The following EEF1AKMT2 variants were observed in gnomAD, a reference collection of about 807,000 sequenced individuals.
EEF1AKMT2 encodes the protein EEF1A lysine methyltransferase 2.
In EEF1AKMT2, 32 loss-of-function variants were observed where a neutral mutation model predicts 35.8. The observed-to-expected ratio is 0.89, with a 90% confidence interval of 0.67 to 1.20. The LOEUF is 1.20. Among genes scored for constraint, EEF1AKMT2 ranks in the 50% most tolerant of loss-of-function variants. The pLI is 0.00. For synonymous variants in EEF1AKMT2, 121 were observed against 133.7 expected (o/e 0.91, Z 0.65); for missense variants, 330 against 347.5 (o/e 0.95, Z 0.40).
At chr10:124,770,944 T>C (rs1158161444) in intron 4 of EEF1AKMT2, among the ~76,000 whole-genome samples, 1 of 152,128 alleles carries the variant, frequency 6.6e-6, no homozygotes, top group Non-Finnish European at 1.5e-5. Flanking sequence ...TGCAGTTAAT[T>C]CCTCCATTGA....
chr10:124,775,293 T>C (rs552266981), intron 3 of EEF1AKMT2, among the ~76,000 whole-genome samples: 33 of 152,326 alleles, frequency 2.2e-4, no homozygotes, highest in African/African-American at 7.2e-4. Flanking sequence ...TTTAAAAATA[T>C]TTCATACATC....
intron 3 of EEF1AKMT2, among the ~76,000 whole-genome samples, chr10:124,775,311 A>T (rs747164665): frequency 6.6e-6 from 1 of 152,178 alleles, no homozygotes; most frequent in Non-Finnish European, 1.5e-5. Flanking sequence ...ATCCCATTAG[A>T]TCTTTACAGA....
Position 124,779,280 on chromosome 10 carries a change from C to T in EEF1AKMT2, c.292-4498G>A, listed in dbSNP as rs537263995. Among the ~76,000 whole-genome samples the T allele has an allele frequency of 1.1e-4, 17 of 152,208 alleles. 1 individual carries two copies. The South Asian group carries it at 3.5e-3, about 32-fold the overall frequency. Reference sequence around the variant, plus strand: ...CTGAGTAACTGGAATTACAAGGACACACCACGACACCTGGCTATTTTTCTG... The same window carrying T: ...CTGAGTAACTGGAATTACAAGGACATACCACGACACCTGGCTATTTTTCTG... On this transcript the variant is annotated intron_variant, in intron 3 of 6. Transcript: ENST00000368836.
intron 2 of EEF1AKMT2, 31 bp from the exon 3 acceptor site, chr10:124,789,188 G>T (rs764506186): frequency 1.4e-6 from 2 of 1,472,756 alleles, no homozygotes; most frequent in South Asian, 2.3e-5. Flanking sequence ...AATAACTGAG[G>T]GATACAGAGC....
chr10:124,765,002 T>C (rs1950366244), intron 5 of EEF1AKMT2, among the ~76,000 whole-genome samples: 1 of 152,172 alleles, frequency 6.6e-6, no homozygotes, highest in South Asian at 2.1e-4. Context: ...CCTGGGCTTA[T>C]GCGATCCTCT....
intron 4 of EEF1AKMT2, among the ~76,000 whole-genome samples, chr10:124,772,679 T>C (rs895893407): frequency 6.6e-6 from 1 of 152,110 alleles, no homozygotes; most frequent in African/African-American, 2.4e-5. Context: ...CCTCCCACCT[T>C]GGCCTCCCAA....
At chr10:124,765,048 C>T (rs927729395) in intron 5 of EEF1AKMT2, among the ~76,000 whole-genome samples, 1 of 152,146 alleles carries the variant, frequency 6.6e-6, no homozygotes, top group Non-Finnish European at 1.5e-5. Context: ...ACTACAGGCA[C>T]GCGCCACCAA....
chr10:124,790,778 T>C (rs1303679132), intron 1 of EEF1AKMT2, among the ~76,000 whole-genome samples: 1 of 152,166 alleles, frequency 6.6e-6, no homozygotes, highest in African/African-American at 2.4e-5. Flanking sequence ...CTTTTCTTCT[T>C]TTTTTGAGAC....
At chr10:124,764,480 T>C (rs190725794) in intron 5 of EEF1AKMT2, among the ~76,000 whole-genome samples, 1 of 152,322 alleles carries the variant, frequency 6.6e-6, no homozygotes, top group East Asian at 1.9e-4. Context: ...AAATATTTTG[T>C]GTATAGATTA....
intron 4 of EEF1AKMT2, 129 bp from the exon 5 acceptor site, chr10:124,765,737 C>T (rs998834415): frequency 3.6e-5 from 24 of 675,588 alleles, no homozygotes; most frequent in Middle Eastern, 8.1e-4. Flanking sequence ...ATATAATAAA[C>T]ATATTTTCAA....
rs1245479006 is a variant in EEF1AKMT2 at position 124,765,479 on chromosome 10, G to C, written c.529C>G (p.Leu177Val). The change falls in exon 5 of 7, where the codon CTC (leucine) becomes GTC (valine). Residue 177 changes from leucine (L) to valine (V), a missense_variant. By Grantham distance (32) the Leu-to-Val change is conservative (BLOSUM62 1). Transcript: ENST00000368836. ...IEKRKQYVKS[L>V]SRVLKVKGFF... ...CCTTTTACTTTCAACACCCTGGAGA[G>C]AGATTTCACATATTGCTTCCTCTTC... 1.1e-5 allele frequency: 17 copies of C among 1,613,862 alleles called. No homozygotes were observed. The highest frequency in any genetic ancestry group is 1.4e-5 in the Non-Finnish European group (17 of 1,179,974).
At chr10:124,778,197 T>TACAC (rs34968256) in intron 3 of EEF1AKMT2, among the ~76,000 whole-genome samples, 18 of 150,344 alleles carry the variant, frequency 1.2e-4, no homozygotes, top group African/African-American at 2.7e-4. Flanking sequence ...AGTCTATACA[T>TACAC]ACACACACAC....
chr10:124,791,769 G>A lies in EEF1AKMT2; in HGVS notation c.65C>T (p.Pro22Leu), dbSNP rs779523020. Residue 22 changes from proline to leucine, a missense_variant, in exon 1 of 7, where the codon CCC (proline) becomes CTC (leucine). Transcript: ENST00000368836. ...CGACGGGACGAAACCGTCCTCCCCG[G>A]GACTGCCCTTGTCCGACCGCGCCGC... ...AVAARSDKGS[P>L]GEDGFVPSAL... is the part of the protein sequence containing the mutation. 6.3e-7 allele frequency: 1 copy of A among 1,596,248 alleles called. No homozygotes were observed. Among genetic ancestry groups the A allele is most frequent in the Non-Finnish European group, 8.5e-7 (1 of 1,175,554 alleles).
At chr10:124,761,245 C>T (rs1191130670) in intron 6 of EEF1AKMT2, among the ~76,000 whole-genome samples, 1 of 152,090 alleles carries the variant, frequency 6.6e-6, no homozygotes, top group Non-Finnish European at 1.5e-5. Context: ...TCACACCACA[C>T]ATATTAAAGC....
intron 3 of EEF1AKMT2, among the ~76,000 whole-genome samples, chr10:124,785,757 G>A (rs566885856): frequency 1.3e-5 from 2 of 152,068 alleles, no homozygotes; most frequent in East Asian, 1.9e-4. Flanking sequence ...TTAGCCAGGC[G>A]TGCTGGCGCG....
rs904414903 is a variant in EEF1AKMT2, at chr10:124,762,295, C to T, written c.875+5G>A. ...AAAAATAAATAAAGCTGGAAGGTCA[C>T]TTACTAAAATGCCAACGAGGGCCTG... On this transcript the variant is annotated splice_donor_5th_base_variant and intron_variant, in intron 6 of 6. Transcript: ENST00000368836. 1.9e-6 allele frequency: 2 copies of T among 1,064,028 alleles called. No homozygotes were observed. Among genetic ancestry groups the T allele is most frequent in the African/African-American group, 3.3e-5 (2 of 59,872 alleles). 65.9% of individuals were successfully genotyped at this position (1,064,028 alleles called of 1,614,324 possible).
Position 124,771,795 on chromosome 10 carries a change from G to A in EEF1AKMT2, c.399+2880C>T, listed in dbSNP as rs1950439465. Among the ~76,000 whole-genome samples the A allele has an allele frequency of 3.3e-5, 5 of 152,244 alleles. No homozygotes were observed. In the South Asian group the frequency reaches 1.0e-3, roughly 32 times the overall value. ...GAGGCAGGAGAATGGCATGAACCTG[G>A]GAGGCAGAGCTTGCAGTGAGCTGAG... On this transcript the variant is annotated intron_variant, in intron 4 of 6. Transcript: ENST00000368836.
chr10:124,778,086 G>T (rs983502292), intron 3 of EEF1AKMT2, among the ~76,000 whole-genome samples: 1 of 152,042 alleles, frequency 6.6e-6, no homozygotes, highest in African/African-American at 2.4e-5. Flanking sequence ...AGCTACTTGG[G>T]AGGCTGAGGC....
chr10:124,790,369 T>G, intron 1 of EEF1AKMT2, 31 bp from the exon 2 acceptor site: 2 of 1,466,084 alleles, frequency 1.4e-6, no homozygotes, highest in Non-Finnish European at 1.9e-6. Context: ...AAAGCAAGAC[T>G]CTTGAATTAA....
Sources: gnomAD v4.1 joint callset for allele counts (sites outside exome capture counted in the v4.1 genomes callset) on GRCh38, gnomAD v4.1.1 for gene constraint, MANE v1.5 for transcripts, NCBI Gene and HGNC (gene_info 2026-07-23, HGNC 2026-07-21) for gene names.